Variants in PGCKA1 observed in about 807,000 individuals in gnomAD.
PGCKA1 encodes the protein PDCD10 and GCKIII kinases-associated protein 1.
the PGCKA1 span, among the ~76,000 whole-genome samples, chr4:37,470,195 C>T: frequency 2.0e-5 from 3 of 152,050 alleles, no homozygotes; most frequent in African/African-American, 7.2e-5. Flanking sequence ...ACTTTCTAGC[C>T]ATTTGTTTTT....
chr4:37,463,653 T>A, the PGCKA1 span, among the ~76,000 whole-genome samples: 4 of 152,242 alleles, frequency 2.6e-5, no homozygotes, highest in African/African-American at 9.6e-5. Context: ...GGCTAAATTG[T>A]GGCGCTGGGG....
chr4:37,588,633 T>G, the PGCKA1 span: 3 of 516,074 alleles, frequency 5.8e-6, no homozygotes, highest in Non-Finnish European at 1.0e-5. Context: ...CAGAGGCAAG[T>G]GTCAGTGAAC....
At chr4:37,456,686 T>C in the PGCKA1 span, among the ~76,000 whole-genome samples, 1 of 152,180 alleles carries the variant, frequency 6.6e-6, no homozygotes. Context: ...AGAGAGTCGA[T>C]GAGTTTCTGG....
the PGCKA1 span, among the ~76,000 whole-genome samples, chr4:37,470,740 G>A: frequency 1.3e-5 from 2 of 152,100 alleles, no homozygotes; most frequent in Admixed American, 6.6e-5. Flanking sequence ...TTCATTGTAA[G>A]CCAGTTATTT....
chr4:37,581,021 C>G, the PGCKA1 span, among the ~76,000 whole-genome samples: 1 of 152,188 alleles, frequency 6.6e-6, no homozygotes, highest in Non-Finnish European at 1.5e-5. The surrounding 1 kb of genome is among the most constrained non-coding windows in gnomAD (Gnocchi z 4.4). Flanking sequence ...ACCATTACTA[C>G]CACAGGCCCA....
At chr4:37,586,016 A>G in the PGCKA1 span, among the ~76,000 whole-genome samples, 1 of 151,558 alleles carries the variant, frequency 6.6e-6, no homozygotes, top group Non-Finnish European at 1.5e-5. Flanking sequence ...TTTCTTGGAT[A>G]CTAGACCTCC....
At chr4:37,521,479 G>A in the PGCKA1 span, among the ~76,000 whole-genome samples, 2 of 152,206 alleles carry the variant, frequency 1.3e-5, no homozygotes, top group South Asian at 4.1e-4. Context: ...TAATTTCCAT[G>A]TATCTGTATA....
chr4:37,588,736 G>A, the PGCKA1 span: 4 of 755,004 alleles, frequency 5.3e-6, no homozygotes, highest in East Asian at 2.6e-5. Context: ...TTGCCAAAAT[G>A]TGTGACTCTC....
At chr4:37,557,175 T>C in the PGCKA1 span, among the ~76,000 whole-genome samples, 1 of 152,264 alleles carries the variant, frequency 6.6e-6, no homozygotes, top group African/African-American at 2.4e-5. Context: ...TTAAGTTCTA[T>C]ACATCATAAA....
At chr4:37,580,685 G>C in the PGCKA1 span, among the ~76,000 whole-genome samples, 2 of 152,184 alleles carry the variant, frequency 1.3e-5, no homozygotes, top group African/African-American at 4.8e-5. Flanking sequence ...ATGATCACTA[G>C]GACTGTGCTG....
the PGCKA1 span, among the ~76,000 whole-genome samples, chr4:37,466,679 A>G: frequency 8.1e-6 from 1 of 123,494 alleles, no homozygotes; most frequent in East Asian, 2.1e-4. Flanking sequence ...GATCACCAGT[A>G]CCTGGTAATG....
the PGCKA1 span, among the ~76,000 whole-genome samples, chr4:37,529,828 G>A: frequency 8.1e-4 from 124 of 152,258 alleles, no homozygotes; most frequent in African/African-American, 2.6e-3. Flanking sequence ...GTCATTCAGT[G>A]TTCACCCCAG....
chr4:37,500,089 AT>A, the PGCKA1 span, among the ~76,000 whole-genome samples: 1 of 150,876 alleles, frequency 6.6e-6, no homozygotes, highest in Admixed American at 6.6e-5. Context: ...TGCCCGGCTA[AT>A]TTTTTTTGCA....
At chr4:37,480,511 C>CA in the PGCKA1 span, among the ~76,000 whole-genome samples, 1,092 of 147,964 alleles carry the variant, frequency 7.4e-3, 29 homozygotes, top group East Asian at 0.1. Flanking sequence ...AACAAACAAA[C>CA]AAAAAAAACT....
At chr4:37,567,804 C>T in the PGCKA1 span, among the ~76,000 whole-genome samples, 1 of 152,156 alleles carries the variant, frequency 6.6e-6, no homozygotes, top group Admixed American at 6.5e-5. Context: ...ATGTTGCACA[C>T]AGCTGTGAGC....
At chr4:37,540,316 C>G in the PGCKA1 span, among the ~76,000 whole-genome samples, 1 of 152,082 alleles carries the variant, frequency 6.6e-6, no homozygotes, top group Non-Finnish European at 1.5e-5. Flanking sequence ...TTGGAAAAGA[C>G]CAGATCTGAG....
At chr4:37,481,899 T>C in the PGCKA1 span, among the ~76,000 whole-genome samples, 1 of 152,280 alleles carries the variant, frequency 6.6e-6, no homozygotes, top group East Asian at 1.9e-4. Context: ...CTCATAATAG[T>C]GAGTAAGTTC....
chr4:37,573,048 C>A, the PGCKA1 span, among the ~76,000 whole-genome samples: 1 of 152,174 alleles, frequency 6.6e-6, no homozygotes, highest in Non-Finnish European at 1.5e-5. Flanking sequence ...GTATACCCAC[C>A]ACCAATCCAT....
the PGCKA1 span, among the ~76,000 whole-genome samples, chr4:37,524,931 A>C: frequency 6.6e-6 from 1 of 152,170 alleles, no homozygotes; most frequent in Non-Finnish European, 1.5e-5. Flanking sequence ...AGGGAAGGGA[A>C]GGGAAAAACC....
Sources: allele counts gnomAD v4.1 joint callset (sites outside exome capture counted in the v4.1 genomes callset), GRCh38; gene constraint gnomAD v4.1.1; non-coding constraint Gnocchi (gnomAD v3.1); transcripts MANE v1.5; gene names NCBI Gene and HGNC (gene_info 2026-07-23, HGNC 2026-07-21).